Variants in VRK1 observed in about 807,000 individuals in gnomAD.
VRK1 encodes the protein VRK serine/threonine kinase 1, also known as serine/threonine-protein kinase VRK1.
In VRK1, 33 loss-of-function variants were observed where a neutral mutation model predicts 57.1. The ratio of observed to expected loss-of-function variants is 0.58; its 90% CI spans 0.44 to 0.77. The LOEUF (loss-of-function observed/expected upper bound fraction) is 0.77, where lower values mean the gene tolerates loss of function less well. Ranked by LOEUF, VRK1 falls within the 30% of genes least tolerant of loss-of-function variation. The pLI is 0.00. For synonymous variants in VRK1, 137 were observed against 147.8 expected (o/e 0.93, Z 0.53); for missense variants, 413 against 477.3 (o/e 0.87, Z 1.25).
Position 96,879,957 on chromosome 14 carries a change from A to G in VRK1, c.1160-1220A>G, listed in dbSNP as rs562709286. On this transcript the variant is annotated intron_variant, in intron 12 of 12. Coordinates refer to ENST00000216639, the MANE Select transcript of VRK1 (RefSeq NM_003384.3). ...AAAAAATAATAATAATAAAAATAAA[A>G]TTTCTTGAAATAAAAACCTAAAAAT... Among the ~76,000 whole-genome samples, 97 of 151,902 alleles carry G rather than the reference A, an allele frequency of 6.4e-4. 2 individuals carry two copies. The South Asian group carries it at 0.02, about 31-fold the overall frequency.
At chr14:96,804,658 A>G (rs1241511776) in intron 1 of VRK1, among the ~76,000 whole-genome samples, 1 of 152,212 alleles carries the variant, frequency 6.6e-6, no homozygotes, top group African/African-American at 2.4e-5. Context: ...TTAATCAGGA[A>G]AATGGTATGA....
chr14:96,847,469 G>C (rs1442163096), intron 5 of VRK1, 125 bp downstream of exon 5: 8 of 765,912 alleles, frequency 1.0e-5, no homozygotes, highest in Non-Finnish European at 1.8e-5. Context: ...AGTATGTGGA[G>C]TGTATGTGAC....
chr14:96,880,957 G>A (rs771874110), intron 12 of VRK1, among the ~76,000 whole-genome samples: 12 of 152,088 alleles, frequency 7.9e-5, no homozygotes, highest in Non-Finnish European at 1.5e-4. Context: ...GGTAGGTTTT[G>A]TCAGCATATT....
intron 1 of VRK1, among the ~76,000 whole-genome samples, chr14:96,809,408 C>G (rs909549470): frequency 6.6e-6 from 1 of 152,076 alleles, no homozygotes; most frequent in South Asian, 2.1e-4. Context: ...TGAATAGTTT[C>G]TATTTTGAGG....
intron 1 of VRK1, among the ~76,000 whole-genome samples, chr14:96,830,849 C>T (rs777276405): frequency 1.3e-5 from 2 of 152,198 alleles, no homozygotes; most frequent in Non-Finnish European, 2.9e-5. Flanking sequence ...ACTTATAGAT[C>T]CACTTTCATT....
chr14:96,814,646 C>T (rs754121769), intron 1 of VRK1, among the ~76,000 whole-genome samples: 32 of 152,172 alleles, frequency 2.1e-4, no homozygotes, highest in Middle Eastern at 6.8e-3. Context: ...TATGTACACG[C>T]GTGGGGATAC....
rs749243454 is a variant in VRK1 at position 96,860,683 on chromosome 14, T to C, written c.1016T>C (p.Leu339Ser). 1 of 1,613,378 alleles carries C rather than the reference T, an allele frequency of 6.2e-7. No individual in the cohort carries two copies. The highest frequency in any genetic ancestry group is 1.7e-5 in the Admixed American group (1 of 60,006). The change falls in exon 11 of 13, where the codon TTG (leucine) becomes TCG (serine). Residue 339 changes from leucine (L) to serine (S), a missense_variant. Physicochemically the swap from Leu to Ser is moderately radical, Grantham distance 145 (BLOSUM62 -2). This residue lies in a region of VRK1 where 146 missense variants were observed against 138.2 expected (regional missense o/e 1.06). Transcript: ENST00000216639. ...KAIGSKDDGK[L>S]DLSVVENGGL... ...ATAGGAAGTAAGGATGATGGCAAAT[T>C]GGACCTCAGTGTTGTGGAGAATGGA... is the stretch of plus-strand genomic sequence containing the variant.
intron 11 of VRK1, among the ~76,000 whole-genome samples, chr14:96,872,519 G>GA (rs1179798777): frequency 6.6e-6 from 1 of 152,054 alleles, no homozygotes; most frequent in Non-Finnish European, 1.5e-5. Context: ...TATAACTCTG[G>GA]AAAAAAATAC....
At chr14:96,862,429 G>T (rs575103339) in intron 11 of VRK1, among the ~76,000 whole-genome samples, 6 of 151,748 alleles carry the variant, frequency 4.0e-5, no homozygotes, top group Non-Finnish European at 7.4e-5. Context: ...GTATTAAAAA[G>T]AAATTAATAA....
At chr14:96,799,446 A>G (rs1229950697) in intron 1 of VRK1, among the ~76,000 whole-genome samples, 1 of 152,042 alleles carries the variant, frequency 6.6e-6, no homozygotes, top group Non-Finnish European at 1.5e-5. Flanking sequence ...TTTTTTTCTT[A>G]AAAGCATCCC....
chr14:96,807,087 T>C (rs995945855), intron 1 of VRK1, among the ~76,000 whole-genome samples: 2 of 152,198 alleles, frequency 1.3e-5, no homozygotes, highest in Admixed American at 1.3e-4. Context: ...TGTTGACATT[T>C]TACATGGGTC....
At chr14:96,826,359 T>G (rs1886800947) in intron 1 of VRK1, among the ~76,000 whole-genome samples, 1 of 152,214 alleles carries the variant, frequency 6.6e-6, no homozygotes, top group Admixed American at 6.5e-5. Flanking sequence ...ATAATTACTC[T>G]GTTTACAATT....
intron 3 of VRK1, among the ~76,000 whole-genome samples, chr14:96,840,042 A>G (rs532219397): frequency 2.6e-4 from 39 of 152,226 alleles, no homozygotes; most frequent in African/African-American, 8.9e-4. Flanking sequence ...TTCGTGAAGG[A>G]TATTGGTCTT....
At chr14:96,817,782 A>G (rs1419421165) in intron 1 of VRK1, among the ~76,000 whole-genome samples, 1 of 152,192 alleles carries the variant, frequency 6.6e-6, no homozygotes, top group Admixed American at 6.5e-5. Flanking sequence ...AGTGTTATGT[A>G]AAAGTATTAG....
intron 7 of VRK1, among the ~76,000 whole-genome samples, chr14:96,853,828 C>T (rs1331573947): frequency 6.6e-6 from 1 of 152,046 alleles, no homozygotes; most frequent in Non-Finnish European, 1.5e-5. Flanking sequence ...GACATTCATA[C>T]TTAATGTATG....
chr14:96,834,518 G>A (rs1887139014), intron 2 of VRK1, among the ~76,000 whole-genome samples: 1 of 152,164 alleles, frequency 6.6e-6, no homozygotes, highest in Admixed American at 6.5e-5. Flanking sequence ...GCATGTTGAA[G>A]TTTGAGAACC....
chr14:96,817,324 T>C (rs1886432312), intron 1 of VRK1, among the ~76,000 whole-genome samples: 2 of 152,158 alleles, frequency 1.3e-5, no homozygotes, highest in African/African-American at 2.4e-5. Flanking sequence ...TTTAGTCATA[T>C]GTTTTGCAGG....
intron 7 of VRK1, among the ~76,000 whole-genome samples, chr14:96,854,364 T>C (rs4905554): frequency 0.08 from 12,116 of 152,258 alleles, 658 homozygotes; most frequent in Admixed American, 0.15. Context: ...AGCTCTGTTA[T>C]CCTTCAGACA....
chr14:96,833,500 G>T lies in VRK1; in HGVS notation c.29G>T (p.Gly10Val). The T allele has an allele frequency of 2.5e-6, 4 of 1,613,690 alleles. No homozygotes were observed. Among genetic ancestry groups the T allele is most frequent in the Non-Finnish European group, 3.4e-6 (4 of 1,179,748 alleles). ...CCTCGTGTAAAAGCAGCTCAAGCTG[G>T]AAGACAGAGCTCTGCAAAGAGACAT... MPRVKAAQAGRQSSAKRHLA... is the reference protein window; with the variant it reads MPRVKAAQAVRQSSAKRHLA... The change falls in exon 2 of 13, where the codon GGA (glycine) becomes GTA (valine). Residue 10 changes from glycine (G) to valine (V), a missense_variant. This residue lies in a region of VRK1 where 116 missense variants were observed against 113.6 expected (regional missense o/e 1.02). Transcript: ENST00000216639.
Sources: gnomAD v4.1 joint callset for allele counts (sites outside exome capture counted in the v4.1 genomes callset) on GRCh38, gnomAD v4.1.1 for gene constraint, gnomAD v4.1.1 regional missense constraint, MANE v1.5 for transcripts, NCBI Gene and HGNC (gene_info 2026-07-23, HGNC 2026-07-21) for gene names.